The following C5AR1 variants were observed in gnomAD, a reference collection of about 807,000 sequenced individuals.
C5AR1 encodes the protein C5a anaphylatoxin chemotactic receptor 1.
A neutral mutation model predicts 2.4 loss-of-function variants in C5AR1; 4 were observed. That is an observed-to-expected ratio of 1.65 (90% CI 0.81 to 3.77). The LOEUF is 3.77. Ranked by LOEUF, C5AR1 falls within the 30% of genes most tolerant of loss-of-function variation. The pLI is 0.01. For missense variants in C5AR1, 418 were observed against 462.5 expected, an observed-to-expected ratio of 0.90 and a Z score of 0.88; for synonymous variants, 209 against 210.4, an observed-to-expected ratio of 0.99 and a Z score of 0.06.
At position 47,309,899 on chromosome 19, in the gene C5AR1, G is replaced by A; in HGVS notation, c.3+1G>A. On this transcript the variant is annotated splice_donor_variant, in intron 1 of 1. Transcript: ENST00000355085. LOFTEE classifies it high-confidence loss of function. Reference sequence around the variant, plus strand: ...GGGGAGCCCAGGAGACCAGAACATGGTGAGTCTCGAAGGGGAATGGGAGCA... The same window carrying A: ...GGGGAGCCCAGGAGACCAGAACATGATGAGTCTCGAAGGGGAATGGGAGCA... The A allele has an allele frequency of 6.2e-7, 1 of 1,612,800 alleles. No individual in the cohort carries two copies. The highest frequency in any genetic ancestry group is 8.5e-7 in the Non-Finnish European group (1 of 1,179,350).
intron 1 of C5AR1, among the ~76,000 whole-genome samples, chr19:47,312,736 C>A (rs922061254): frequency 6.6e-6 from 1 of 151,844 alleles, no homozygotes; most frequent in Non-Finnish European, 1.5e-5. Flanking sequence ...TCCTCCTCCT[C>A]CTCCTTTTTT....
chr19:47,319,246 G>A (rs1473335518), intron 1 of C5AR1, among the ~76,000 whole-genome samples: 1 of 151,576 alleles, frequency 6.6e-6, no homozygotes, highest in Non-Finnish European at 1.5e-5. Context: ...TTCGCAGGAT[G>A]GGACTGAGGG....
At chr19:47,309,853 C>T, upstream of C5AR1, 1 of 1,610,538 alleles carries the variant, frequency 6.2e-7, no homozygotes, top group Non-Finnish European at 8.5e-7. Context: ...AGCCCTTGGG[C>T]AGGAGGGACC....
intron 1 of C5AR1, among the ~76,000 whole-genome samples, chr19:47,312,845 T>G (rs2059275084): frequency 6.6e-6 from 1 of 152,086 alleles, no homozygotes; most frequent in Admixed American, 6.6e-5. Context: ...GATTTAAAAT[T>G]TTTTGTAGAG....
chr19:47,318,743 C>T (rs13343656), intron 1 of C5AR1, among the ~76,000 whole-genome samples: 2 of 152,134 alleles, frequency 1.3e-5, no homozygotes, highest in African/African-American at 4.8e-5. Context: ...ACTGCAGTGT[C>T]TGGTGCCTCT....
chr19:47,320,690 C>G lies in C5AR1; in HGVS notation c.913C>G (p.Gln305Glu), dbSNP rs768946371. Reference sequence around the variant, plus strand: ...CCCCATCATCTACGTGGTGGCCGGCCAGGGCTTCCAGGGCCGACTGCGGAA... The same window carrying G: ...CCCCATCATCTACGTGGTGGCCGGCGAGGGCTTCCAGGGCCGACTGCGGAA... ...INPIIYVVAGQGFQGRLRKSL... is the reference protein window; with the variant it reads ...INPIIYVVAGEGFQGRLRKSL... The change falls in exon 2 of 2, where the codon CAG becomes GAG. Residue 305 changes from glutamine (Q) to glutamate (E), a missense_variant. Transcript: ENST00000355085. This position sits in a 1 kb window ranked among gnomAD's most constrained non-coding sequence, Gnocchi z 4.9. The G allele has an allele frequency of 6.2e-7, 1 of 1,614,170 alleles. No homozygotes were observed. Among genetic ancestry groups the G allele is most frequent in the Non-Finnish European group, 8.5e-7 (1 of 1,180,032 alleles).
rs200125783 is a variant in C5AR1 at position 47,320,817 on chromosome 19, C to A, written c.1040C>A (p.Thr347Asn). The part of the protein sequence containing the change: ...RSTVDTMAQK[T>N]QAV ...ACAGTGGACACTATGGCCCAGAAGA[C>A]CCAGGCAGTGTAGGCGACAGCCTCA... The change falls in exon 2 of 2, where the codon ACC becomes AAC. Residue 347 changes from threonine (T) to asparagine (N), a missense_variant. Thr to Asn is a moderately conservative substitution (Grantham distance 65). Transcript: ENST00000355085. The surrounding 1 kb of genome is among the most constrained non-coding windows in gnomAD (Gnocchi z 4.9). The A allele has an allele frequency of 2.2e-5, 36 of 1,609,710 alleles. No homozygotes were observed. In the African/African-American group the frequency reaches 4.3e-4, roughly 19 times the overall value.
rs181770382 is a variant in C5AR1 at position 47,311,167 on chromosome 19, T to C, written c.3+1269T>C. On this transcript the variant is annotated intron_variant, in intron 1 of 1. Transcript: ENST00000355085. ...GGACTCTCTGATTCTTCTTCTTCTT[T>C]TTTTTTTTCTTTCCAAAACATTTTC... is the stretch of plus-strand genomic sequence containing the variant. 7.5e-4 allele frequency among the ~76,000 whole-genome samples: 114 copies of C among 152,146 alleles called. 2 individuals carry two copies. The highest frequency in any genetic ancestry group is 1.4e-3 in the Non-Finnish European group (98 of 67,984).
intron 1 of C5AR1, among the ~76,000 whole-genome samples, chr19:47,314,496 C>T (rs1455674184): frequency 2.0e-5 from 3 of 152,088 alleles, no homozygotes; most frequent in African/African-American, 7.2e-5. Context: ...CTCCCGGGTT[C>T]CAGTGATTCT....
intron 1 of C5AR1, among the ~76,000 whole-genome samples, chr19:47,314,678 G>A (rs1599729927): frequency 6.6e-6 from 1 of 151,038 alleles, no homozygotes; most frequent in African/African-American, 2.4e-5. Flanking sequence ...AATTACAGGC[G>A]TGAACCACCG....
intron 1 of C5AR1, 96 bp downstream of exon 1, chr19:47,309,994 C>T: frequency 7.8e-7 from 1 of 1,283,490 alleles, no homozygotes; most frequent in Non-Finnish European, 1.1e-6. Flanking sequence ...CTCTCGCCGT[C>T]AACTCTGTCT....
intron 1 of C5AR1, among the ~76,000 whole-genome samples, chr19:47,310,354 T>A (rs976939872): frequency 6.6e-6 from 1 of 152,122 alleles, no homozygotes; most frequent in Non-Finnish European, 1.5e-5. Flanking sequence ...GTATTTTTTT[T>A]TTTATTTAAA....
Position 47,320,905 on chromosome 19 carries a change from C to A in C5AR1, c.*75C>A. 7.4e-7 allele frequency: 1 copy of A among 1,349,932 alleles called. No homozygotes were observed. The highest frequency in any genetic ancestry group is 1.0e-6 in the Non-Finnish European group (1 of 987,612). 83.6% of individuals were successfully genotyped at this position (1,349,932 alleles called of 1,614,324 possible). A position where few individuals can be genotyped will look rare whatever the true frequency, so the allele number is the denominator to read the frequency against. On this transcript the variant is annotated 3_prime_UTR_variant, in exon 2 of 2. Transcript: ENST00000355085. This position sits in a 1 kb window ranked among gnomAD's most constrained non-coding sequence, Gnocchi z 4.9. Reference sequence around the variant, plus strand: ...CATTCTCCCTCTTGTTTTCACTTCACTTTTCGTGGGATGGTGTTACCTTAG... The same window carrying A: ...CATTCTCCCTCTTGTTTTCACTTCAATTTTCGTGGGATGGTGTTACCTTAG...
chr19:47,320,809 C>T lies in C5AR1; in HGVS notation c.1032C>T (p.Ala344=). The T allele has an allele frequency of 6.2e-7, 1 of 1,611,756 alleles. No individual in the cohort carries two copies. ...CGCGCTCCACAGTGGACACTATGGC[C>T]CAGAAGACCCAGGCAGTGTAGGCGA... ...SFTRSTVDTM[A]QKTQAV The change falls in exon 2 of 2, where the codon GCC becomes GCT. Residue 344 remains alanine, a synonymous_variant. Transcript: ENST00000355085. This position sits in a 1 kb window ranked among gnomAD's most constrained non-coding sequence, Gnocchi z 4.9.
At position 47,319,901 on chromosome 19, in the gene C5AR1, G is replaced by T. The variant is rs146067125; in HGVS notation, c.124G>T (p.Val42Phe). 61 of 1,614,242 alleles carry T rather than the reference G, an allele frequency of 3.8e-5. No homozygotes were observed. The African/African-American group carries it at 6.9e-4, about 18-fold the overall frequency. ...GCGTGTTCCAGACATCCTGGCCTTG[G>T]TCATCTTTGCAGTCGTCTTCCTGGT... ...TLRVPDILAL[V>F]IFAVVFLVGV... Residue 42 changes from valine to phenylalanine, a missense_variant, in exon 2 of 2, where the codon GTC (valine) becomes TTC (phenylalanine). Physicochemically the swap from Val to Phe is conservative, Grantham distance 50. Transcript: ENST00000355085.
intron 1 of C5AR1, among the ~76,000 whole-genome samples, chr19:47,312,133 TAG>T (rs2059273011): frequency 6.6e-6 from 1 of 152,186 alleles, no homozygotes; most frequent in East Asian, 1.9e-4. Context: ...TTGCCCAGGC[TAG>T]AGTGCAGTGG....
At position 47,320,110 on chromosome 19, in the gene C5AR1, C is replaced by G. The variant is rs1421139528; in HGVS notation, c.333C>G (p.Ile111Met). 6.2e-7 allele frequency: 1 copy of G among 1,614,206 alleles called. No individual in the cohort carries two copies. Among genetic ancestry groups the G allele is most frequent in the Non-Finnish European group, 8.5e-7 (1 of 1,180,046 alleles). The change falls in exon 2 of 2, where the codon ATC becomes ATG. Residue 111 changes from isoleucine to methionine, a missense_variant. Coordinates refer to ENST00000355085, the MANE Select transcript of C5AR1 (RefSeq NM_001736.4). This position sits in a 1 kb window ranked among gnomAD's most constrained non-coding sequence, Gnocchi z 4.9. ...HWPFGGAACS[I>M]LPSLILLNMY... Reference sequence around the variant, plus strand: ...CCTTTGGCGGGGCCGCCTGCAGCATCCTGCCCTCCCTCATCCTGCTCAACA... The same window carrying G: ...CCTTTGGCGGGGCCGCCTGCAGCATGCTGCCCTCCCTCATCCTGCTCAACA...
rs2059307045 is a variant in C5AR1 at position 47,320,667 on chromosome 19, C to G, written c.890C>G (p.Pro297Arg). ...SFAYINCCIN[P>R]IIYVVAGQGF... ...GCCTACATCAACTGCTGCATCAACC[C>G]CATCATCTACGTGGTGGCCGGCCAG... Residue 297 changes from proline (P) to arginine (R), a missense_variant, in exon 2 of 2, where the codon CCC (proline) becomes CGC (arginine). Physicochemically the swap from Pro to Arg is moderately radical, Grantham distance 103. Transcript: ENST00000355085. This position sits in a 1 kb window ranked among gnomAD's most constrained non-coding sequence, Gnocchi z 4.9. 1.2e-6 allele frequency: 2 copies of G among 1,614,154 alleles called. No individual in the cohort carries two copies. Among genetic ancestry groups the G allele is most frequent in the African/African-American group, 2.7e-5 (2 of 75,036 alleles).
In C5AR1 at chr19:47,320,769, A is replaced by G. The variant is rs1189760086; in HGVS notation, c.992A>G (p.Glu331Gly). The G allele has an allele frequency of 6.2e-7, 1 of 1,613,986 alleles. No individual in the cohort carries two copies. The highest frequency in any genetic ancestry group is 1.3e-5 in the African/African-American group (1 of 74,914). ...NVLTEESVVR[E>G]SKSFTRSTVD... ...TTGACTGAAGAGTCCGTGGTTAGGG[A>G]GAGCAAGTCATTCACGCGCTCCACA... The change falls in exon 2 of 2, where the codon GAG (glutamate) becomes GGG (glycine). Residue 331 changes from glutamate to glycine, a missense_variant. Physicochemically the swap from Glu to Gly is moderately conservative, Grantham distance 98. Transcript: ENST00000355085. The surrounding 1 kb of genome is among the most constrained non-coding windows in gnomAD (Gnocchi z 4.9).
Sources: gnomAD v4.1 joint callset for allele counts (sites outside exome capture counted in the v4.1 genomes callset) on GRCh38, gnomAD v4.1.1 for gene constraint, Gnocchi (gnomAD v3.1) non-coding constraint, MANE v1.5 for transcripts, NCBI Gene and HGNC (gene_info 2026-07-23, HGNC 2026-07-21) for gene names.